Variants in AFG1L observed in about 807,000 individuals in gnomAD.
AFG1L encodes AFG1-like ATPase.
A neutral mutation model predicts 62.2 loss-of-function variants in AFG1L; 53 were observed. The observed-to-expected ratio is 0.85, with a 90% CI of 0.68 to 1.07. The LOEUF (loss-of-function observed/expected upper bound fraction) is 1.07, where lower values mean the gene tolerates loss of function less well. Among genes scored for constraint, AFG1L ranks in the 50% least tolerant of loss-of-function variants. The probability of loss-of-function intolerance (pLI) is 0.00; values close to 1 mark genes in which losing one functional copy is unlikely to be tolerated. For missense variants in AFG1L, 555 were observed against 590.5 expected (o/e 0.94, Z 0.62); for synonymous variants, 228 against 210.3 (o/e 1.08, Z -0.73).
At chr6:108,424,058 A>G (rs982693075) in intron 7 of AFG1L, among the ~76,000 whole-genome samples, 2 of 152,130 alleles carry the variant, frequency 1.3e-5, no homozygotes, top group African/African-American at 2.4e-5. Flanking sequence ...ATATGTATAT[A>G]TACAAACTAC....
chr6:108,454,416 T>C (rs141598538), intron 8 of AFG1L, among the ~76,000 whole-genome samples: 2 of 152,332 alleles, frequency 1.3e-5, no homozygotes, highest in East Asian at 3.9e-4. Context: ...AGATAGCACC[T>C]GATCAAGATA....
intron 8 of AFG1L, among the ~76,000 whole-genome samples, chr6:108,469,034 G>A (rs1198300851): frequency 6.6e-6 from 1 of 151,692 alleles, no homozygotes; most frequent in Non-Finnish European, 1.5e-5. Context: ...TTGGGTCTTT[G>A]TCTTTTACCT....
At chr6:108,516,145 A>C (rs1774878505) in intron 11 of AFG1L, among the ~76,000 whole-genome samples, 1 of 152,250 alleles carries the variant, frequency 6.6e-6, no homozygotes, top group South Asian at 2.1e-4. Context: ...TCCCTAACTC[A>C]TTTTATGAGG....
At chr6:108,310,016 C>T (rs964172626) in intron 1 of AFG1L, among the ~76,000 whole-genome samples, 1 of 152,120 alleles carries the variant, frequency 6.6e-6, no homozygotes, top group Admixed American at 6.6e-5. Context: ...TTATGTGTGC[C>T]TCAGTTCCCC....
intron 6 of AFG1L, among the ~76,000 whole-genome samples, chr6:108,374,024 G>C (rs554144938): frequency 1.3e-5 from 2 of 152,210 alleles, no homozygotes; most frequent in South Asian, 2.1e-4. Flanking sequence ...TTTAATACAA[G>C]CCATTCTGAC....
chr6:108,466,370 A>G (rs1221939746), intron 8 of AFG1L, among the ~76,000 whole-genome samples: 1 of 152,214 alleles, frequency 6.6e-6, no homozygotes, highest in African/African-American at 2.4e-5. Flanking sequence ...TATTCACAGT[A>G]TCCCCAAAAT....
chr6:108,510,503 T>A (rs1480041447), intron 11 of AFG1L, 151 bp downstream of exon 11: 3 of 641,186 alleles, frequency 4.7e-6, no homozygotes, highest in South Asian at 4.3e-5. Flanking sequence ...GATGATAATA[T>A]TATTTACTTC....
chr6:108,451,177 C>T (rs1487489802), intron 8 of AFG1L, among the ~76,000 whole-genome samples: 1 of 152,132 alleles, frequency 6.6e-6, no homozygotes, highest in Non-Finnish European at 1.5e-5. Flanking sequence ...TTTTAGCTTC[C>T]TTCTAGGGGA....
At chr6:108,345,540 G>A (rs1778833703) in intron 2 of AFG1L, among the ~76,000 whole-genome samples, 1 of 151,906 alleles carries the variant, frequency 6.6e-6, no homozygotes, top group Admixed American at 6.6e-5. Flanking sequence ...TGTAGAGATG[G>A]GGTTTTGCTA....
At position 108,464,191 on chromosome 6, in the gene AFG1L, A is replaced by C. The variant is rs533898873; in HGVS notation, c.891-12674A>C. 5.3e-5 allele frequency among the ~76,000 whole-genome samples: 8 copies of C among 152,320 alleles called. No homozygotes were observed. In the South Asian group the frequency reaches 1.0e-3, roughly 20 times the overall value. On this transcript the variant is annotated intron_variant, in intron 8 of 12. Transcript: ENST00000368977. ...ATTCTGTTCCCTTGAGTCAATCCTA[A>C]TGAAGTAGGAGGTTCTTGAAGAAAT...
chr6:108,300,067 T>A (rs889183223), intron 1 of AFG1L, among the ~76,000 whole-genome samples: 1 of 152,220 alleles, frequency 6.6e-6, no homozygotes, highest in Non-Finnish European at 1.5e-5. Flanking sequence ...AATATTATAT[T>A]TTTAGGTGCC....
rs1778436613 is a variant in AFG1L at position 108,335,314 on chromosome 6, C to T, written c.363+11266C>T. 2.6e-5 allele frequency among the ~76,000 whole-genome samples: 4 copies of T among 152,162 alleles called. No homozygotes were observed. In the South Asian group the frequency reaches 8.3e-4, roughly 32 times the overall value. The stretch of plus-strand genomic sequence containing the variant: ...TTCTGGGCCTGAAGATCCCAGCCCA[C>T]TGCCTAGCACAAAGTAGGTGCTCAA... On this transcript the variant is annotated intron_variant, in intron 2 of 12. Transcript: ENST00000368977.
intron 7 of AFG1L, among the ~76,000 whole-genome samples, chr6:108,432,053 GTTA>G (rs1368945607): frequency 6.7e-6 from 1 of 150,242 alleles, no homozygotes; most frequent in African/African-American, 2.5e-5. Flanking sequence ...GCTTTGCCTG[GTTA>G]TTATTATTTT....
chr6:108,352,674 C>T (rs1014222228), intron 3 of AFG1L, among the ~76,000 whole-genome samples: 1 of 152,274 alleles, frequency 6.6e-6, no homozygotes, highest in East Asian at 1.9e-4. Flanking sequence ...AAGCGATCCT[C>T]CTGCCTCAGC....
In AFG1L at chr6:108,402,055, G is replaced by A; in HGVS notation, c.807+1G>A. On this transcript the variant is annotated splice_donor_variant, in intron 7 of 12. Transcript: ENST00000368977. LOFTEE classifies it high-confidence loss of function. ...TGTACCATTCATAGCAGTCTTGAAGGTAAAAACAAATCATTTATTTGTGTT... is the reference window on the plus strand; with the variant it reads ...TGTACCATTCATAGCAGTCTTGAAGATAAAAACAAATCATTTATTTGTGTT... 6.8e-7 allele frequency: 1 copy of A among 1,466,342 alleles called. No homozygotes were observed. The highest frequency in any genetic ancestry group is 9.2e-7 in the Non-Finnish European group (1 of 1,088,586). 90.8% of individuals were successfully genotyped at this position (1,466,342 alleles called of 1,614,324 possible).
At chr6:108,402,157 T>G in intron 7 of AFG1L, 103 bp downstream of exon 7, 5 of 592,776 alleles carry the variant, frequency 8.4e-6, no homozygotes. Flanking sequence ...AGAATTTATT[T>G]TGGCATTTAG....
chr6:108,297,679 AC>A (rs1019974167), intron 1 of AFG1L, among the ~76,000 whole-genome samples: 1 of 150,762 alleles, frequency 6.6e-6, no homozygotes, highest in African/African-American at 2.4e-5. Context: ...ACATGGCAAA[AC>A]CCCCTCTCTA....
At chr6:108,315,134 C>T (rs1158696608) in intron 1 of AFG1L, among the ~76,000 whole-genome samples, 1 of 152,220 alleles carries the variant, frequency 6.6e-6, no homozygotes, top group East Asian at 1.9e-4. Flanking sequence ...TGGCCTTAGC[C>T]TCCCAAAGTA....
chr6:108,374,515 A>G (rs1780156090), intron 6 of AFG1L, among the ~76,000 whole-genome samples: 1 of 152,122 alleles, frequency 6.6e-6, no homozygotes, highest in Non-Finnish European at 1.5e-5. Flanking sequence ...ATTTTTGCAT[A>G]TGGTGAAAGG....
Sources: gnomAD v4.1 joint callset for allele counts (sites outside exome capture counted in the v4.1 genomes callset) on GRCh38, gnomAD v4.1.1 for gene constraint, MANE v1.5 for transcripts, NCBI Gene and HGNC (gene_info 2026-07-23, HGNC 2026-07-21) for gene names.